Variants in SLC25A48 observed in about 807,000 individuals in gnomAD.
SLC25A48 encodes CTC-321K16.1.
Under a neutral mutation model 32.2 loss-of-function variants are expected in SLC25A48, and 29 were observed. The observed-to-expected ratio is 0.90, with a 90% CI of 0.67 to 1.23. The LOEUF is 1.23. SLC25A48 is among the 50% of genes most tolerant of loss of function. SLC25A48 has a pLI of 0.00. For missense variants in SLC25A48, 399 were observed against 422.7 expected (o/e 0.94, Z 0.49); for synonymous variants, 164 against 172.3 (o/e 0.95, Z 0.38).
chr5:135,600,091 C>T (rs1272118332), intron 1 of SLC25A48, among the ~76,000 whole-genome samples: 1 of 152,216 alleles, frequency 6.6e-6, no homozygotes, highest in Non-Finnish European at 1.5e-5. Flanking sequence ...GATACTTCTT[C>T]TGGCCTCATT....
At chr5:135,805,605 G>C (rs1311007445) in intron 3 of SLC25A48, among the ~76,000 whole-genome samples, 1 of 151,478 alleles carries the variant, frequency 6.6e-6, no homozygotes, top group Non-Finnish European at 1.5e-5. Context: ...TGTACACACT[G>C]TGATAATATT....
chr5:135,837,438 G>T (rs1261762396), intron 1 of SLC25A48, among the ~76,000 whole-genome samples: 1 of 152,166 alleles, frequency 6.6e-6, no homozygotes, highest in East Asian at 1.9e-4. Context: ...CCTCCTCAGT[G>T]TTCTCGGGAA....
intron 4 of SLC25A48, among the ~76,000 whole-genome samples, chr5:135,858,913 G>A (rs1169614695): frequency 6.6e-6 from 1 of 152,118 alleles, no homozygotes; most frequent in Non-Finnish European, 1.5e-5. Context: ...GTTGCTTGGG[G>A]GAAGGAATTT....
intron 3 of SLC25A48, chr5:135,650,584 T>G (rs1246191587): frequency 4.4e-6 from 1 of 228,506 alleles, no homozygotes; most frequent in Non-Finnish European, 8.9e-6. Flanking sequence ...AACAGAACTC[T>G]TTCTTTCAAA....
chr5:135,693,826 C>G (rs1042975605), intron 3 of SLC25A48, among the ~76,000 whole-genome samples: 1 of 152,222 alleles, frequency 6.6e-6, no homozygotes, highest in South Asian at 2.1e-4. Flanking sequence ...CTGAATGAGG[C>G]CTGCTGGGTC....
chr5:135,765,559 G>A (rs541926308), intron 3 of SLC25A48, among the ~76,000 whole-genome samples: 5 of 149,932 alleles, frequency 3.3e-5, no homozygotes, highest in Non-Finnish European at 5.9e-5. Flanking sequence ...AATATCCAGG[G>A]GGAAAAGGGT....
At chr5:135,618,101 G>T (rs1752231330) in intron 1 of SLC25A48, among the ~76,000 whole-genome samples, 3 of 151,000 alleles carry the variant, frequency 2.0e-5, no homozygotes, top group Non-Finnish European at 4.4e-5. Flanking sequence ...GTGCCCCAGT[G>T]TTGAGTGGAT....
chr5:135,835,479 G>A (rs1195310713), intron 1 of SLC25A48, among the ~76,000 whole-genome samples: 2 of 152,098 alleles, frequency 1.3e-5, no homozygotes, highest in African/African-American at 4.8e-5. Context: ...CTACCTCCAA[G>A]GCCCCTTCTC....
chr5:135,673,481 T>C (rs1311383811), intron 3 of SLC25A48, among the ~76,000 whole-genome samples: 1 of 152,204 alleles, frequency 6.6e-6, no homozygotes, highest in Non-Finnish European at 1.5e-5. Flanking sequence ...ACTAATATTA[T>C]TGAATATATT....
upstream of SLC25A48, among the ~76,000 whole-genome samples, chr5:135,832,152 T>C (rs190946370): frequency 6.6e-6 from 1 of 152,224 alleles, no homozygotes; most frequent in East Asian, 1.9e-4. Flanking sequence ...GGTGGAGGTG[T>C]TGAGTAGAGG....
intron 1 of SLC25A48, among the ~76,000 whole-genome samples, chr5:135,613,840 G>A (rs1752128036): frequency 6.6e-6 from 1 of 152,190 alleles, no homozygotes. Flanking sequence ...TTTGGTTACT[G>A]TAGCCTTGTA....
chr5:135,844,062 T>G (rs1759221598), intron 2 of SLC25A48, among the ~76,000 whole-genome samples: 1 of 152,174 alleles, frequency 6.6e-6, no homozygotes. Context: ...AGCCAGGTCC[T>G]TAGAAACCTT....
At chr5:135,608,636 C>T (rs563389494) in intron 1 of SLC25A48, among the ~76,000 whole-genome samples, 1 of 152,278 alleles carries the variant, frequency 6.6e-6, no homozygotes, top group East Asian at 1.9e-4. Flanking sequence ...GTCAGTCGTG[C>T]CTGGAGGTGC....
intron 1 of SLC25A48, among the ~76,000 whole-genome samples, chr5:135,591,298 T>A (rs1422421014): frequency 6.6e-6 from 1 of 152,244 alleles, no homozygotes; most frequent in Non-Finnish European, 1.5e-5. Context: ...AGAAGGGACT[T>A]ACTCAGGGCA....
intron 4 of SLC25A48, among the ~76,000 whole-genome samples, chr5:135,867,786 A>G (rs1322495180): frequency 6.6e-6 from 1 of 152,188 alleles, no homozygotes; most frequent in Non-Finnish European, 1.5e-5. Context: ...TTGGAATTAT[A>G]ATAACTACCT....
intron 1 of SLC25A48, among the ~76,000 whole-genome samples, chr5:135,606,784 GA>G (rs1751948920): frequency 6.6e-6 from 1 of 152,182 alleles, no homozygotes; most frequent in South Asian, 2.1e-4. Flanking sequence ...TGTGGCCTCT[GA>G]ACAAATCTCC....
intron 3 of SLC25A48, among the ~76,000 whole-genome samples, chr5:135,796,508 T>C (rs1221466078): frequency 6.6e-6 from 1 of 151,236 alleles, no homozygotes; most frequent in Non-Finnish European, 1.5e-5. Flanking sequence ...TGCAATATCC[T>C]GGGGGTGAGA....
intron 2 of SLC25A48, among the ~76,000 whole-genome samples, chr5:135,630,251 T>C (rs1348501851): frequency 6.6e-6 from 1 of 152,168 alleles, no homozygotes. Context: ...CTTGGCTGGC[T>C]TCCTCCTGCC....
At chr5:135,661,826 T>G (rs1432533894) in intron 3 of SLC25A48, among the ~76,000 whole-genome samples, 2 of 152,210 alleles carry the variant, frequency 1.3e-5, no homozygotes, top group Non-Finnish European at 2.9e-5. Context: ...TCTGCCTCAT[T>G]ACTCTTAACA....
Sources: allele counts gnomAD v4.1 joint callset (sites outside exome capture counted in the v4.1 genomes callset), GRCh38; gene constraint gnomAD v4.1.1; transcripts MANE v1.5; gene names NCBI Gene and HGNC (gene_info 2026-07-23, HGNC 2026-07-21).